LGR4: variants seen among roughly 807,000 people sequenced by gnomAD.
LGR4 encodes the protein leucine-rich repeat-containing G protein-coupled receptor 4.
A neutral mutation model predicts 84.8 loss-of-function variants in LGR4; 44 were observed. That is an observed-to-expected ratio of 0.52 (90% confidence interval 0.41 to 0.67). The LOEUF (loss-of-function observed/expected upper bound fraction) is 0.67. Ranked by LOEUF, LGR4 falls within the 30% of genes least tolerant of loss-of-function variation. The pLI is 0.00. For missense variants in LGR4, 1,032 were observed against 1,131.4 expected, an observed-to-expected ratio of 0.91 and a Z score of 1.26; for synonymous variants, 429 against 434.3, an observed-to-expected ratio of 0.99 and a Z score of 0.15.
chr11:27,444,723 C>A (rs1469615053), intron 1 of LGR4, among the ~76,000 whole-genome samples: 1 of 152,124 alleles, frequency 6.6e-6, no homozygotes, highest in Non-Finnish European at 1.5e-5. Context: ...TTTCTTTTTG[C>A]ACAACTTAAA....
chr11:27,419,627 A>AAT, intron 1 of LGR4, among the ~76,000 whole-genome samples: 1 of 147,532 alleles, frequency 6.8e-6, no homozygotes, highest in Non-Finnish European at 1.5e-5. Flanking sequence ...AATATATAAT[A>AAT]ATATATATAA....
chr11:27,466,085 A>G (rs1029830037), intron 1 of LGR4, among the ~76,000 whole-genome samples: 9 of 152,192 alleles, frequency 5.9e-5, no homozygotes, highest in African/African-American at 2.2e-4. Context: ...TCACTCCAAA[A>G]CCTTGAGATC....
chr11:27,378,888 G>A (rs923121945), intron 10 of LGR4, 120 bp from the exon 11 acceptor site: 5 of 660,694 alleles, frequency 7.6e-6, no homozygotes, highest in Non-Finnish European at 1.3e-5. Flanking sequence ...TACATCCCAT[G>A]GCCTAATTAT....
intron 1 of LGR4, among the ~76,000 whole-genome samples, chr11:27,469,234 C>T (rs1036924009): frequency 8.5e-5 from 13 of 152,102 alleles, no homozygotes; most frequent in Non-Finnish European, 1.5e-4. Context: ...CCCCAGACTC[C>T]GGTAAAGCGG....
intron 1 of LGR4, among the ~76,000 whole-genome samples, chr11:27,423,956 C>T (rs935398262): frequency 1.2e-4 from 18 of 152,182 alleles, no homozygotes; most frequent in African/African-American, 4.3e-4. Flanking sequence ...CACACCCAGA[C>T]ACAAACATAA....
chr11:27,371,175 T>C (rs1862876036), intron 17 of LGR4, among the ~76,000 whole-genome samples: 1 of 152,214 alleles, frequency 6.6e-6, no homozygotes, highest in Non-Finnish European at 1.5e-5. Context: ...AGGCAGACTA[T>C]GACAATCATG....
At chr11:27,448,294 T>G (rs1056048866) in intron 1 of LGR4, among the ~76,000 whole-genome samples, 3 of 121,052 alleles carry the variant, frequency 2.5e-5, no homozygotes, top group African/African-American at 7.5e-5. Context: ...TTTTTTCTTT[T>G]CTTTTTTTTT....
intron 1 of LGR4, among the ~76,000 whole-genome samples, chr11:27,424,743 T>G (rs1367458620): frequency 2.0e-5 from 3 of 152,072 alleles, no homozygotes; most frequent in Non-Finnish European, 4.4e-5. Context: ...AAGATTAGGT[T>G]TTTTGTCTGT....
Position 27,373,451 on chromosome 11 carries a change from C to A in LGR4, c.1379+100G>T, listed in dbSNP as rs547072804. The A allele has an allele frequency of 1.1e-5, 13 of 1,151,258 alleles. No homozygotes were observed. The African/African-American group carries it at 1.9e-4, about 16-fold the overall frequency. The allele number at this position is 1,151,258 out of a possible 1,614,324, so 71.3% of individuals were successfully genotyped here. ...GTAGAAAACACCCTTAAATTATAGC[C>A]TATCAGAAAATCTGAGAACCAGAGC... On this transcript the variant is annotated intron_variant, in intron 15 of 17. Coordinates refer to ENST00000379214, the MANE Select transcript of LGR4 (RefSeq NM_018490.5).
intron 2 of LGR4, among the ~76,000 whole-genome samples, chr11:27,399,982 T>C (rs578110578): frequency 5.9e-5 from 9 of 152,316 alleles, no homozygotes; most frequent in Admixed American, 5.9e-4. Context: ...TTGGTATCAA[T>C]ATATGTAATA....
chr11:27,461,475 G>A (rs2133454875), intron 1 of LGR4, among the ~76,000 whole-genome samples: 1 of 152,242 alleles, frequency 6.6e-6, no homozygotes, highest in South Asian at 2.1e-4. Flanking sequence ...AAATAAGAAT[G>A]CAGCCAAATT....
chr11:27,376,847 A>G (rs1862993294), intron 12 of LGR4, among the ~76,000 whole-genome samples: 1 of 152,216 alleles, frequency 6.6e-6, no homozygotes. Context: ...AACACAGGAC[A>G]TGATGGGAAC....
chr11:27,469,290 A>G (rs559818568), intron 1 of LGR4, among the ~76,000 whole-genome samples: 72 of 152,344 alleles, frequency 4.7e-4, no homozygotes, highest in Non-Finnish European at 8.8e-4. Context: ...AGTTTCAACC[A>G]GCCTCAAGGA....
intron 1 of LGR4, among the ~76,000 whole-genome samples, chr11:27,463,251 C>T (rs935031562): frequency 4.0e-5 from 6 of 151,390 alleles, no homozygotes; most frequent in African/African-American, 1.5e-4. Flanking sequence ...GATCCTGTCT[C>T]AAAAATAAAA....
chr11:27,435,646 C>T (rs113616637), intron 1 of LGR4, among the ~76,000 whole-genome samples: 13,235 of 151,506 alleles, frequency 0.087, 1,733 homozygotes, highest in African/African-American at 0.29. Context: ...TGCCACCACA[C>T]CCAGCTAATT....
intron 8 of LGR4, 87 bp from the exon 9 acceptor site, chr11:27,380,798 A>G: frequency 8.3e-7 from 1 of 1,199,474 alleles, no homozygotes; most frequent in East Asian, 2.3e-5. Context: ...ACATATATCT[A>G]AAATCCTGAC....
chr11:27,472,421 G>T lies in LGR4; in HGVS notation c.-119C>A. On this transcript the variant is annotated 5_prime_UTR_variant, in exon 1 of 18. Coordinates refer to ENST00000379214, the MANE Select transcript of LGR4 (RefSeq NM_018490.5). The stretch of plus-strand genomic sequence containing the variant: ...GGGCTGGAGCGGGGGTCTCTTCCTC[G>T]GCGGTCCGCGCGGGCTCGGCCCCTT... 1.3e-6 allele frequency: 1 copy of T among 771,452 alleles called. No homozygotes were observed. Among genetic ancestry groups the T allele is most frequent in the Non-Finnish European group, 1.7e-6 (1 of 573,524 alleles). 47.8% of individuals were successfully genotyped at this position (771,452 alleles called of 1,614,324 possible).
At chr11:27,440,359 G>A (rs1484197910) in intron 1 of LGR4, among the ~76,000 whole-genome samples, 1 of 152,112 alleles carries the variant, frequency 6.6e-6, no homozygotes, top group Non-Finnish European at 1.5e-5. Context: ...TGTGAAACCT[G>A]AGAAAAATAA....
rs1864890480 is a variant in LGR4, at chr11:27,472,193, C to T, written c.110G>A (p.Gly37Asp). 4 of 1,411,080 alleles carry T rather than the reference C, an allele frequency of 2.8e-6. No individual in the cohort carries two copies. Among genetic ancestry groups the T allele is most frequent in the Non-Finnish European group, 3.7e-6 (4 of 1,082,424 alleles). 87.4% of individuals were successfully genotyped at this position (1,411,080 alleles called of 1,614,324 possible). Reference sequence around the variant, plus strand: ...CCCGGAGCAGTCCACCCGACGGTCGCCGTCGCAGCTGCAGGGCGCCGCGCA... The same window carrying T: ...CCCGGAGCAGTCCACCCGACGGTCGTCGTCGCAGCTGCAGGGCGCCGCGCA... ...PLCAAPCSCD[G>D]DRRVDCSGKG... Residue 37 changes from glycine to aspartate, a missense_variant, in exon 1 of 18, where the codon GGC becomes GAC. Coordinates refer to ENST00000379214, the MANE Select transcript of LGR4 (RefSeq NM_018490.5).
Sources: gnomAD v4.1 joint callset for allele counts (sites outside exome capture counted in the v4.1 genomes callset) on GRCh38, gnomAD v4.1.1 for gene constraint, MANE v1.5 for transcripts, NCBI Gene and HGNC (gene_info 2026-07-23, HGNC 2026-07-21) for gene names.